ATXN1: variants seen among roughly 807,000 people sequenced by gnomAD.
ATXN1 encodes ataxin 1, also known as ataxin-1.
In ATXN1, 8 loss-of-function variants were observed where a neutral mutation model predicts 56.4. That is an observed-to-expected ratio of 0.14 (90% CI 0.08 to 0.26). The LOEUF is 0.26. Among genes scored for constraint, ATXN1 ranks in the 10% least tolerant of loss-of-function variants. The pLI is 1.00. For synonymous variants in ATXN1, 514 were observed against 494.6 expected (o/e 1.04, Z -0.52); for missense variants, 987 against 1,106.5 (o/e 0.89, Z 1.53).
At chr6:16,736,194 G>A (rs1190479264) in intron 2 of ATXN1, among the ~76,000 whole-genome samples, 2 of 152,134 alleles carry the variant, frequency 1.3e-5, no homozygotes, top group Non-Finnish European at 2.9e-5. Flanking sequence ...CTACAGCTTT[G>A]ATTTCAGTGT....
At chr6:16,621,611 C>G (rs916714889) in intron 3 of ATXN1, among the ~76,000 whole-genome samples, 1 of 152,094 alleles carries the variant, frequency 6.6e-6, no homozygotes, top group Non-Finnish European at 1.5e-5. Flanking sequence ...ATCCCAGCTA[C>G]TAGGGAGGCT....
At chr6:16,558,816 C>A (rs1027391510) in intron 4 of ATXN1, among the ~76,000 whole-genome samples, 12 of 151,554 alleles carry the variant, frequency 7.9e-5, no homozygotes, top group African/African-American at 2.9e-4. Flanking sequence ...TTTTTTAAAA[C>A]CCTGCATGAA....
chr6:16,348,404 T>C (rs77431308), intron 6 of ATXN1, among the ~76,000 whole-genome samples: 1 of 151,940 alleles, frequency 6.6e-6, no homozygotes, highest in Non-Finnish European at 1.5e-5. Context: ...TTTAAGAAAA[T>C]GAAGATAGTA....
chr6:16,450,380 C>A (rs1297567187), intron 6 of ATXN1, among the ~76,000 whole-genome samples: 2 of 152,192 alleles, frequency 1.3e-5, no homozygotes, highest in African/African-American at 4.8e-5. Flanking sequence ...TACACACATG[C>A]ATGGTTCTTA....
At position 16,311,180 on chromosome 6, in the gene ATXN1, G is replaced by A. The variant is rs190160833; in HGVS notation, c.1918-4321C>T. Among the ~76,000 whole-genome samples, 16 of 152,242 alleles carry A rather than the reference G, an allele frequency of 1.1e-4. No individual in the cohort carries two copies. In the South Asian group the frequency reaches 1.9e-3, roughly 18 times the overall value. On this transcript the variant is annotated intron_variant, in intron 7 of 7. Transcript: ENST00000436367. ...CTTTACAAAAAGTATTTTGTTTAAT[G>A]TTCATAATAGTATTAGTATGGAATA...
At chr6:16,733,556 C>T (rs979426199) in intron 2 of ATXN1, among the ~76,000 whole-genome samples, 1 of 150,382 alleles carries the variant, frequency 6.6e-6, no homozygotes, top group African/African-American at 2.5e-5. Flanking sequence ...AGACTGAGAA[C>T]TGACCTCTTG....
chr6:16,324,207 C>T (rs1245614820), intron 7 of ATXN1, among the ~76,000 whole-genome samples: 2 of 151,978 alleles, frequency 1.3e-5, no homozygotes, highest in Non-Finnish European at 1.5e-5. Flanking sequence ...TTTGGGAGGC[C>T]GAGGTGGAAG....
At chr6:16,354,186 A>T (rs948793073) in intron 6 of ATXN1, among the ~76,000 whole-genome samples, 1 of 152,154 alleles carries the variant, frequency 6.6e-6, no homozygotes, top group African/African-American at 2.4e-5. Flanking sequence ...ACGGAGGAAC[A>T]TATTCATGTA....
chr6:16,624,044 A>G (rs940791196), intron 3 of ATXN1, among the ~76,000 whole-genome samples: 2 of 152,172 alleles, frequency 1.3e-5, no homozygotes, highest in Admixed American at 6.6e-5. Context: ...TAGAATTTCA[A>G]TTTTGCAAAA....
At chr6:16,516,410 G>A (rs1250027161) in intron 5 of ATXN1, among the ~76,000 whole-genome samples, 3 of 152,214 alleles carry the variant, frequency 2.0e-5, no homozygotes, top group South Asian at 2.1e-4. Flanking sequence ...CATAGCAGGT[G>A]ACAAGTGTCC....
intron 6 of ATXN1, among the ~76,000 whole-genome samples, chr6:16,480,254 G>A (rs1409120537): frequency 6.6e-6 from 1 of 151,614 alleles, no homozygotes; most frequent in Non-Finnish European, 1.5e-5. Context: ...TTTTGTCAGT[G>A]TTCAAACCAA....
rs181633442 is a variant in ATXN1, at chr6:16,682,262, T to C, written c.-614-24361A>G. ...CCCAGGCTGGAGTGCAGTGATGCAA[T>C]CTCAGCTCACTGCAACCTCCACCTC... On this transcript the variant is annotated intron_variant, in intron 2 of 7. Transcript: ENST00000436367. Among the ~76,000 whole-genome samples, 237 of 142,738 alleles carry C rather than the reference T, an allele frequency of 1.7e-3. 5 individuals carry two copies. The East Asian group carries it at 0.041, about 25-fold the overall frequency. The allele number at this position is 142,738 out of a possible 152,430, so 93.6% of individuals were successfully genotyped here.
rs1325721588 is a variant in ATXN1 at position 16,306,124 on chromosome 6, C to G, written c.*205G>C. 5.4e-6 allele frequency: 3 copies of G among 558,348 alleles called. No homozygotes were observed. The Admixed American group carries it at 1.1e-4, about 21-fold the overall frequency. The allele number at this position is 558,348 out of a possible 1,614,324, so 34.6% of individuals were successfully genotyped here. ...ACCGCTCCTGCTGTGCCCTTCCTCC[C>G]GCCCGCTCACTGACAGACACTCGTG... On this transcript the variant is annotated 3_prime_UTR_variant, in exon 8 of 8. Coordinates refer to ENST00000436367, the MANE Select transcript of ATXN1 (RefSeq NM_001128164.2). This position sits in a 1 kb window ranked among gnomAD's most constrained non-coding sequence, Gnocchi z 5.2.
chr6:16,442,423 T>C (rs984071023), intron 6 of ATXN1, among the ~76,000 whole-genome samples: 4 of 151,700 alleles, frequency 2.6e-5, no homozygotes, highest in African/African-American at 7.3e-5. Flanking sequence ...AAGGAAACAA[T>C]ATTACATATA....
intron 6 of ATXN1, among the ~76,000 whole-genome samples, chr6:16,451,669 C>A (rs1759755535): frequency 6.6e-6 from 1 of 151,906 alleles, no homozygotes; most frequent in South Asian, 2.1e-4. Flanking sequence ...GCAGGAGAAC[C>A]ACTTGAACCC....
chr6:16,329,530 C>T (rs961925387), intron 6 of ATXN1, among the ~76,000 whole-genome samples: 3 of 152,054 alleles, frequency 2.0e-5, no homozygotes, highest in African/African-American at 4.8e-5. Flanking sequence ...TGTTAAAAAC[C>T]GAATTTGATT....
At chr6:16,701,500 G>A (rs1379052276) in intron 2 of ATXN1, among the ~76,000 whole-genome samples, 2 of 152,208 alleles carry the variant, frequency 1.3e-5, no homozygotes, top group Non-Finnish European at 2.9e-5. Flanking sequence ...TCAGGCAGGA[G>A]AAGGAAATAA....
rs1433586823 is a variant in ATXN1, at chr6:16,410,208, T to C, written c.-161+75764A>G. ...GCATCTAGCGGCCCTCCTTCCCCCT[T>C]ACTATGACTTCCAATTTTGAAATAC... On this transcript the variant is annotated intron_variant, in intron 6 of 7. Coordinates refer to ENST00000436367, the MANE Select transcript of ATXN1 (RefSeq NM_001128164.2). The surrounding 1 kb of genome is among the most constrained non-coding windows in gnomAD (Gnocchi z 4.6). 6.6e-6 allele frequency among the ~76,000 whole-genome samples: 1 copy of C among 152,178 alleles called. No individual in the cohort carries two copies. Among genetic ancestry groups the C allele is most frequent in the Non-Finnish European group, 1.5e-5 (1 of 68,032 alleles).
At position 16,327,672 on chromosome 6, in the gene ATXN1, C is replaced by CTGCTGCTGCTGA. The variant is rs780549091; in HGVS notation, c.638_639insTCAGCAGCAGCA (p.Gln212_Gln213insHisGlnGlnGln). On this transcript the variant is annotated inframe_insertion, in exon 7 of 8. Transcript: ENST00000436367. ...GCTGCTGCTGCTGCTGCTGCTGCTGCTGCTGATGCTGATGCTGCTGCTGCT... is the reference window on the plus strand; with the variant it reads ...GCTGCTGCTGCTGCTGCTGCTGCTGCTGCTGCTGCTGATGCTGATGCTGATGCTGCTGCTGCT... 8.0e-5 allele frequency: 112 copies of CTGCTGCTGCTGA among 1,404,962 alleles called. No individual in the cohort carries two copies. The highest frequency in any genetic ancestry group is 3.0e-4 in the Admixed American group (14 of 47,354). 87.0% of individuals were successfully genotyped at this position (1,404,962 alleles called of 1,614,324 possible).
Sources: allele counts gnomAD v4.1 joint callset (sites outside exome capture counted in the v4.1 genomes callset), GRCh38; gene constraint gnomAD v4.1.1; non-coding constraint Gnocchi (gnomAD v3.1); transcripts MANE v1.5; gene names NCBI Gene and HGNC (gene_info 2026-07-23, HGNC 2026-07-21).